GALNTL6: variants seen among roughly 807,000 people sequenced by gnomAD.
The protein encoded by GALNTL6 is polypeptide N-acetylgalactosaminyltransferase-like 6.
GALNTL6 carries 46 observed loss-of-function variants against 73.7 expected under a neutral mutation model. The observed-to-expected ratio is 0.62, with a 90% CI of 0.49 to 0.80. The LOEUF is 0.80. Ranked by LOEUF, GALNTL6 falls within the 30% of genes least tolerant of loss-of-function variation. GALNTL6 has a pLI of 0.00. For synonymous variants in GALNTL6, 259 were observed against 263.7 expected (o/e 0.98, Z 0.17); for missense variants, 604 against 755.0 (o/e 0.80, Z 2.34).
chr4:172,981,003 T>C (rs1276473101), intron 10 of GALNTL6, among the ~76,000 whole-genome samples: 1 of 152,232 alleles, frequency 6.6e-6, no homozygotes, highest in Non-Finnish European at 1.5e-5. Flanking sequence ...TCATACAACA[T>C]CCATGTCGTT....
chr4:172,883,008 A>G (rs1412470744), intron 8 of GALNTL6, 101 bp downstream of exon 8: 6 of 651,704 alleles, frequency 9.2e-6, no homozygotes, highest in South Asian at 3.9e-5. Context: ...GGATGACTTA[A>G]TGGTAATAGA....
At chr4:172,196,007 T>G (rs1461774892) in intron 2 of GALNTL6, among the ~76,000 whole-genome samples, 2 of 34,640 alleles carry the variant, frequency 5.8e-5, no homozygotes, top group African/African-American at 1.6e-4. Context: ...AGGAGCTGGG[T>G]TTTTTTTTTT....
At chr4:172,170,215 C>G (rs1734766248) in intron 2 of GALNTL6, among the ~76,000 whole-genome samples, 1 of 152,146 alleles carries the variant, frequency 6.6e-6, no homozygotes, top group Non-Finnish European at 1.5e-5. Flanking sequence ...GTAATAATCC[C>G]CACGTGTCAA....
intron 6 of GALNTL6, among the ~76,000 whole-genome samples, chr4:172,812,964 A>G (rs184407712): frequency 3.3e-5 from 5 of 152,344 alleles, no homozygotes; most frequent in Admixed American, 1.3e-4. Flanking sequence ...TTTGATCAAC[A>G]GAGTTTAGCT....
At chr4:172,134,509 C>A (rs1733586195) in intron 2 of GALNTL6, among the ~76,000 whole-genome samples, 1 of 151,948 alleles carries the variant, frequency 6.6e-6, no homozygotes, top group Non-Finnish European at 1.5e-5. Flanking sequence ...TGGTTTCAAC[C>A]TTTATATTAA....
chr4:172,724,346 C>T (rs1235073075), intron 5 of GALNTL6, among the ~76,000 whole-genome samples: 2 of 152,162 alleles, frequency 1.3e-5, no homozygotes, highest in Admixed American at 6.5e-5. Flanking sequence ...CCTATAGTAG[C>T]TTAAACAAGA....
intron 2 of GALNTL6, among the ~76,000 whole-genome samples, chr4:171,970,854 AG>A (rs1739549312): frequency 6.6e-6 from 1 of 152,244 alleles, no homozygotes; most frequent in African/African-American, 2.4e-5. Flanking sequence ...TTTTAAAAAA[AG>A]TTTCGGAGCT....
intron 2 of GALNTL6, among the ~76,000 whole-genome samples, chr4:172,148,428 G>A (rs1366205048): frequency 1.3e-5 from 2 of 151,798 alleles, no homozygotes; most frequent in Non-Finnish European, 2.9e-5. Flanking sequence ...AACCAAAAAC[G>A]TATTGTTAGC....
At chr4:172,292,172 G>T (rs1032111086) in intron 3 of GALNTL6, among the ~76,000 whole-genome samples, 6 of 151,660 alleles carry the variant, frequency 4.0e-5, no homozygotes, top group Admixed American at 3.9e-4. Flanking sequence ...CACCTCTCAG[G>T]TACTTTCATG....
chr4:172,963,195 A>G (rs1019676922), intron 10 of GALNTL6, among the ~76,000 whole-genome samples: 4 of 152,096 alleles, frequency 2.6e-5, no homozygotes, highest in African/African-American at 4.8e-5. Flanking sequence ...CTATTCCTGC[A>G]GCTTAGAATC....
chr4:172,567,542 A>C (rs1736601797), intron 5 of GALNTL6, among the ~76,000 whole-genome samples: 1 of 152,220 alleles, frequency 6.6e-6, no homozygotes, highest in Non-Finnish European at 1.5e-5. Flanking sequence ...CTGGTCATAA[A>C]TACTTCTTGT....
At chr4:172,693,944 G>T (rs1054903140) in intron 5 of GALNTL6, among the ~76,000 whole-genome samples, 7 of 152,052 alleles carry the variant, frequency 4.6e-5, no homozygotes, top group Admixed American at 4.6e-4. Flanking sequence ...AAATCACTGT[G>T]GCAGAGATGC....
chr4:172,844,229 G>A (rs879910403), intron 7 of GALNTL6, among the ~76,000 whole-genome samples: 1 of 152,160 alleles, frequency 6.6e-6, no homozygotes, highest in Non-Finnish European at 1.5e-5. Context: ...TTTCCACGGT[G>A]GGAAGGGCTG....
chr4:172,633,933 G>A (rs954447367), intron 5 of GALNTL6, among the ~76,000 whole-genome samples: 7 of 152,156 alleles, frequency 4.6e-5, no homozygotes, highest in Non-Finnish European at 8.8e-5. Flanking sequence ...CTCATCATTC[G>A]CCTTCTGGCA....
intron 2 of GALNTL6, among the ~76,000 whole-genome samples, chr4:172,153,939 G>C (rs766849162): frequency 2.6e-5 from 4 of 152,166 alleles, no homozygotes; most frequent in African/African-American, 9.7e-5. Context: ...GAGGCTGCCC[G>C]GGAACATTTA....
intron 5 of GALNTL6, among the ~76,000 whole-genome samples, chr4:172,375,374 G>A (rs554796362): frequency 5.7e-4 from 87 of 152,288 alleles, no homozygotes; most frequent in Middle Eastern, 3.4e-3. Context: ...AAAATGAGCC[G>A]CCTCTTTCTC....
intron 2 of GALNTL6, among the ~76,000 whole-genome samples, chr4:171,949,889 G>T (rs1240056079): frequency 6.6e-6 from 1 of 152,098 alleles, no homozygotes; most frequent in Non-Finnish European, 1.5e-5. Context: ...GTTGTAAAAA[G>T]ATTTTAAAAA....
At chr4:172,450,223 A>C (rs530259713) in intron 5 of GALNTL6, among the ~76,000 whole-genome samples, 132 of 151,170 alleles carry the variant, frequency 8.7e-4, no homozygotes, top group African/African-American at 3.1e-3. Context: ...ATTAAAAAAA[A>C]AAAAAAACAA....
chr4:172,164,359 TA>T (rs2110800646), intron 2 of GALNTL6, among the ~76,000 whole-genome samples: 1 of 152,130 alleles, frequency 6.6e-6, no homozygotes, highest in South Asian at 2.1e-4. Context: ...AAATCTCAGA[TA>T]TAGTCATACT....
Sources: gnomAD v4.1 joint callset for allele counts (sites outside exome capture counted in the v4.1 genomes callset) on GRCh38, gnomAD v4.1.1 for gene constraint, MANE v1.5 for transcripts, NCBI Gene and HGNC (gene_info 2026-07-23, HGNC 2026-07-21) for gene names.